Variants in ZNRF2 observed in about 807,000 individuals in gnomAD.
ZNRF2 encodes the protein E3 ubiquitin-protein ligase ZNRF2.
ZNRF2 carries 16 observed loss-of-function variants against 20.4 expected under a neutral mutation model. The observed-to-expected ratio is 0.79, with a 90% CI of 0.53 to 1.19. The LOEUF is 1.19. Ranked by LOEUF, ZNRF2 falls within the 50% of genes most tolerant of loss-of-function variation. The probability of loss-of-function intolerance (pLI) is 0.00; values close to 1 mark genes in which losing one functional copy is unlikely to be tolerated. For missense variants in ZNRF2, 363 were observed against 332.4 expected (o/e 1.09, Z -0.72); for synonymous variants, 178 against 144.9 (o/e 1.23, Z -1.64).
chr7:30,315,553 A>G (rs1446309528), intron 1 of ZNRF2, among the ~76,000 whole-genome samples: 3 of 152,078 alleles, frequency 2.0e-5, no homozygotes, highest in African/African-American at 7.2e-5. Flanking sequence ...GTGCATTTGC[A>G]TTCTCACAAA....
intron 2 of ZNRF2, among the ~76,000 whole-genome samples, chr7:30,352,897 TCA>T (rs1799980545): frequency 6.6e-6 from 1 of 152,102 alleles, no homozygotes; most frequent in South Asian, 2.1e-4. Context: ...TATGAATGTA[TCA>T]CATTACTAAC....
chr7:30,313,022 TA>T (rs1420331060), intron 1 of ZNRF2, among the ~76,000 whole-genome samples: 1 of 152,188 alleles, frequency 6.6e-6, no homozygotes, highest in Non-Finnish European at 1.5e-5. Flanking sequence ...AGACAGAACC[TA>T]AAACGAAACA....
chr7:30,349,630 T>C (rs1462287406), intron 2 of ZNRF2, among the ~76,000 whole-genome samples: 1 of 152,102 alleles, frequency 6.6e-6, no homozygotes, highest in Non-Finnish European at 1.5e-5. Context: ...CTGGACTCTT[T>C]TATTGCCACT....
At chr7:30,327,505 A>G (rs1300865481) in intron 2 of ZNRF2, among the ~76,000 whole-genome samples, 1 of 151,942 alleles carries the variant, frequency 6.6e-6, no homozygotes, top group Non-Finnish European at 1.5e-5. Context: ...CTGCTAGATC[A>G]CTTGTTTGGT....
chr7:30,320,624 C>T (rs1032672768), intron 1 of ZNRF2, among the ~76,000 whole-genome samples: 1 of 151,924 alleles, frequency 6.6e-6, no homozygotes, highest in African/African-American at 2.4e-5. Flanking sequence ...TTATTGAATA[C>T]GGTATTGAAA....
intron 1 of ZNRF2, among the ~76,000 whole-genome samples, chr7:30,310,959 G>T (rs539329001): frequency 1.9e-4 from 29 of 152,284 alleles, no homozygotes; most frequent in African/African-American, 6.7e-4. Context: ...AGGTTGACAG[G>T]TGGAGGTTGT....
intron 1 of ZNRF2, among the ~76,000 whole-genome samples, chr7:30,300,297 C>T (rs750749507): frequency 3.3e-5 from 5 of 151,586 alleles, no homozygotes; most frequent in Admixed American, 6.6e-5. Flanking sequence ...AACAGGTGCA[C>T]GCCACCACGC....
intron 1 of ZNRF2, chr7:30,289,754 A>C (rs775776544): frequency 1.9e-6 from 1 of 533,786 alleles, no homozygotes; most frequent in South Asian, 1.4e-5. Context: ...ACAGGGCATC[A>C]CCTGATCTGA....
chr7:30,325,702 A>G (rs566605816), intron 2 of ZNRF2, among the ~76,000 whole-genome samples: 4 of 152,294 alleles, frequency 2.6e-5, no homozygotes, highest in Non-Finnish European at 5.9e-5. Context: ...AGGGTTGACA[A>G]TAGAGCACTT....
In ZNRF2 at chr7:30,321,176, T is replaced by C. The variant is rs894937433; in HGVS notation, c.470-2466T>C. On this transcript the variant is annotated intron_variant, in intron 1 of 4. Transcript: ENST00000323037. ...CTCCATTCTCATGCTCTAGTGGGGGTATGGTATTTGCTTGGCTGTATGTAA... is the reference window on the plus strand; with the variant it reads ...CTCCATTCTCATGCTCTAGTGGGGGCATGGTATTTGCTTGGCTGTATGTAA... Among the ~76,000 whole-genome samples the C allele has an allele frequency of 2.6e-5, 4 of 152,014 alleles. No homozygotes were observed. The East Asian group carries it at 7.7e-4, about 29-fold the overall frequency.
chr7:30,361,821 A>G (rs1377418107), intron 3 of ZNRF2, among the ~76,000 whole-genome samples: 1 of 152,204 alleles, frequency 6.6e-6, no homozygotes, highest in Non-Finnish European at 1.5e-5. Flanking sequence ...GCACCCTAAT[A>G]TTTAGCTTCT....
intron 1 of ZNRF2, among the ~76,000 whole-genome samples, chr7:30,295,023 GA>G (rs1562603639): frequency 1.1e-5 from 1 of 88,936 alleles, no homozygotes; most frequent in Non-Finnish European, 2.2e-5. Flanking sequence ...AGGAGAGAGA[GA>G]GAGAGAGAGA....
At chr7:30,327,301 AT>A (rs1194949648) in intron 2 of ZNRF2, among the ~76,000 whole-genome samples, 1 of 152,072 alleles carries the variant, frequency 6.6e-6, no homozygotes, top group Non-Finnish European at 1.5e-5. Context: ...TCTGGACTTA[AT>A]TTTTGTATGT....
chr7:30,340,293 G>A (rs1583589580), intron 2 of ZNRF2, among the ~76,000 whole-genome samples: 1 of 152,172 alleles, frequency 6.6e-6, no homozygotes, highest in East Asian at 1.9e-4. Flanking sequence ...TGTTGAATAG[G>A]AGTGGTGAGA....
chr7:30,319,803 A>T (rs1799438785), intron 1 of ZNRF2, among the ~76,000 whole-genome samples: 1 of 152,176 alleles, frequency 6.6e-6, no homozygotes. Flanking sequence ...GTTTAACAAG[A>T]GCAGAATGAT....
intron 1 of ZNRF2, among the ~76,000 whole-genome samples, chr7:30,322,399 TGTGTTGGA>T (rs1278921298): frequency 2.0e-5 from 3 of 152,302 alleles, no homozygotes; most frequent in East Asian, 3.9e-4. Flanking sequence ...TGAGAACACA[TGTGTTGGA>T]ACTAGAGAGC....
At chr7:30,340,359 A>G (rs532493420) in intron 2 of ZNRF2, among the ~76,000 whole-genome samples, 40 of 152,322 alleles carry the variant, frequency 2.6e-4, no homozygotes, top group African/African-American at 6.0e-4. Flanking sequence ...GCTTTTGCCA[A>G]TTCATTATGA....
chr7:30,295,844 G>C (rs756429502), intron 1 of ZNRF2, among the ~76,000 whole-genome samples: 1 of 152,132 alleles, frequency 6.6e-6, no homozygotes, highest in Non-Finnish European at 1.5e-5. Flanking sequence ...GATTTATGCC[G>C]CACTTCCAGT....
At chr7:30,288,284 A>G (rs1798833028) in intron 1 of ZNRF2, among the ~76,000 whole-genome samples, 1 of 152,258 alleles carries the variant, frequency 6.6e-6, no homozygotes, top group Non-Finnish European at 1.5e-5. Flanking sequence ...GAAAATTGAT[A>G]AAAGGATTAT....
Sources: gnomAD v4.1 joint callset for allele counts (sites outside exome capture counted in the v4.1 genomes callset) on GRCh38, gnomAD v4.1.1 for gene constraint, MANE v1.5 for transcripts, NCBI Gene and HGNC (gene_info 2026-07-23, HGNC 2026-07-21) for gene names.